UGT2A2: variants seen among roughly 807,000 people sequenced by gnomAD.
The protein encoded by UGT2A2 is UDP-glucuronosyltransferase 2A2.
Under a neutral mutation model 50.7 loss-of-function variants are expected in UGT2A2, and 60 were observed. That is an observed-to-expected ratio of 1.18 (90% CI 0.96 to 1.47). The LOEUF (loss-of-function observed/expected upper bound fraction) is 1.47, where lower values mean the gene tolerates loss of function less well. Ranked by LOEUF, UGT2A2 falls within the 40% of genes most tolerant of loss-of-function variation. UGT2A2 has a pLI of 0.00. For synonymous variants in UGT2A2, 242 were observed against 214.6 expected (o/e 1.13, Z -1.11); for missense variants, 762 against 634.0 (o/e 1.20, Z -2.17).
intron 1 of UGT2A2, among the ~76,000 whole-genome samples, chr4:69,638,117 C>A (rs906461182): frequency 1.3e-5 from 2 of 152,104 alleles, no homozygotes; most frequent in African/African-American, 4.8e-5. Context: ...AAGTCTTTCA[C>A]ATTACCTCTG....
At chr4:69,593,976 TG>T (rs66709581) in intron 5 of UGT2A2, among the ~76,000 whole-genome samples, 54,788 of 118,288 alleles carry the variant, frequency 0.46, 14,017 homozygotes, top group South Asian at 0.59. Context: ...TCTTTTTTTT[TG>T]TTTGTTTTTT....
At chr4:69,595,023 T>C in intron 4 of UGT2A2, 139 bp downstream of exon 4, 2 of 1,233,924 alleles carry the variant, frequency 1.6e-6, no homozygotes, top group South Asian at 1.4e-5. Flanking sequence ...TGGCCAATTA[T>C]GTAATTATAT....
intron 1 of UGT2A2, among the ~76,000 whole-genome samples, chr4:69,608,965 T>C (rs1438728480): frequency 2.0e-5 from 3 of 152,098 alleles, no homozygotes; most frequent in African/African-American, 4.8e-5. Flanking sequence ...TTTAATTTCA[T>C]AGTAGAAAAG....
chr4:69,603,315 C>T (rs1470992010), intron 1 of UGT2A2, among the ~76,000 whole-genome samples: 1 of 136,486 alleles, frequency 7.3e-6, no homozygotes, highest in Non-Finnish European at 1.6e-5. Flanking sequence ...AACAAAACCA[C>T]TTATGTAATG....
intron 1 of UGT2A2, among the ~76,000 whole-genome samples, chr4:69,600,595 A>G (rs899049520): frequency 1.3e-5 from 2 of 152,166 alleles, no homozygotes; most frequent in Non-Finnish European, 2.9e-5. Context: ...TCTTATTCCC[A>G]TAAAGAAATA....
Position 69,595,941 on chromosome 4 carries a change from T to A in UGT2A2, c.1023+309A>T, listed in dbSNP as rs548874863. Among the ~76,000 whole-genome samples, 3 of 152,264 alleles carry A rather than the reference T, an allele frequency of 2.0e-5. No homozygotes were observed. The South Asian group carries it at 6.2e-4, about 32-fold the overall frequency. ...CAAACTTCAAAACTTTTGAAAGTAGTCAGTGGAGAACAAAAAATTTCAAAT... is the reference window on the plus strand; with the variant it reads ...CAAACTTCAAAACTTTTGAAAGTAGACAGTGGAGAACAAAAAATTTCAAAT... On this transcript the variant is annotated intron_variant, in intron 3 of 5. Transcript: ENST00000604629.
At chr4:69,590,368 T>G (rs770181590) in intron 5 of UGT2A2, among the ~76,000 whole-genome samples, 1 of 152,188 alleles carries the variant, frequency 6.6e-6, no homozygotes, top group Non-Finnish European at 1.5e-5. Flanking sequence ...CAATATTGGG[T>G]GGATATCTAC....
At chr4:69,627,966 T>G (rs1191498332) in intron 1 of UGT2A2, among the ~76,000 whole-genome samples, 1 of 151,986 alleles carries the variant, frequency 6.6e-6, no homozygotes. Context: ...ATTCCACAGA[T>G]TGCCTTTTAA....
At chr4:69,621,019 A>T (rs1720723246) in intron 1 of UGT2A2, among the ~76,000 whole-genome samples, 1 of 151,932 alleles carries the variant, frequency 6.6e-6, no homozygotes, top group African/African-American at 2.4e-5. Flanking sequence ...GATTAAAAAC[A>T]TAAATGTAAA....
Position 69,594,597 on chromosome 4 carries a change from G to A in UGT2A2, c.1211C>T (p.Ala404Val). The A allele has an allele frequency of 1.2e-6, 2 of 1,614,144 alleles. No individual in the cohort carries two copies. Among genetic ancestry groups the A allele is most frequent in the Non-Finnish European group, 1.7e-6 (2 of 1,180,038 alleles). Reference protein sequence around the residue: ...GVPMVGVPMFADQPDNIAHMK... With the variant: ...GVPMVGVPMFVDQPDNIAHMK... ...GTGAGCAATGTTATCAGGCTGATCA[G>A]CAAACATGGGAACTCCCACCATAGG... Residue 404 changes from alanine (A) to valine (V), a missense_variant, in exon 5 of 6, where the codon GCT (alanine) becomes GTT (valine). Ala to Val is a moderately conservative substitution (Grantham distance 64, BLOSUM62 0). Transcript: ENST00000604629.
At chr4:69,591,944 TC>T (rs1718617082) in intron 5 of UGT2A2, among the ~76,000 whole-genome samples, 1 of 152,282 alleles carries the variant, frequency 6.6e-6, no homozygotes, top group Admixed American at 6.5e-5. Context: ...AATTATGATT[TC>T]TAAAATTATG....
At chr4:69,622,547 G>A (rs1473512671) in intron 1 of UGT2A2, among the ~76,000 whole-genome samples, 1 of 151,390 alleles carries the variant, frequency 6.6e-6, no homozygotes, top group Non-Finnish European at 1.5e-5. Context: ...ATAGACTCAG[G>A]GAATCTATAT....
intron 1 of UGT2A2, among the ~76,000 whole-genome samples, chr4:69,609,154 G>GTT (rs1319117212): frequency 1.1e-4 from 7 of 61,976 alleles, no homozygotes; most frequent in African/African-American, 2.7e-4. Context: ...GAATATATAA[G>GTT]ATTTTTTTTT....
intron 5 of UGT2A2, among the ~76,000 whole-genome samples, chr4:69,590,783 A>G (rs963561158): frequency 6.6e-6 from 1 of 152,168 alleles, no homozygotes; most frequent in Non-Finnish European, 1.5e-5. Flanking sequence ...AGAAGAAAGC[A>G]TGTTTTCCTA....
chr4:69,628,173 A>G (rs1191194537), intron 1 of UGT2A2, among the ~76,000 whole-genome samples: 1 of 151,926 alleles, frequency 6.6e-6, no homozygotes, highest in Non-Finnish European at 1.5e-5. Context: ...CAGGGCATCA[A>G]AATGTCCATG....
rs1465886704 is a variant in UGT2A2 at position 69,622,797 on chromosome 4, C to T, written c.742+16102G>A. On this transcript the variant is annotated intron_variant, in intron 1 of 5. Coordinates refer to ENST00000604629, the MANE Select transcript of UGT2A2 (RefSeq NM_001105677.2). ...TAGGGTCAACAGGAATATAGACGTT[C>T]AAGGTCCTCAAACACATTCATCCAG... Among the ~76,000 whole-genome samples, 5 of 151,710 alleles carry T rather than the reference C, an allele frequency of 3.3e-5. No homozygotes were observed. In the South Asian group the frequency reaches 6.2e-4, roughly 19 times the overall value.
At chr4:69,630,773 C>A (rs945625877) in intron 1 of UGT2A2, among the ~76,000 whole-genome samples, 1 of 152,004 alleles carries the variant, frequency 6.6e-6, no homozygotes, top group East Asian at 1.9e-4. Flanking sequence ...AAAGGTGAAA[C>A]CGTGAATGCA....
chr4:69,596,266 G>T lies in UGT2A2; in HGVS notation c.1007C>A (p.Ala336Asp). ...TGTACTGACCTTCTGTGGAATCTGGGCAAGGGCTGAGGCAATAAGATTGGC... is the reference window on the plus strand; with the variant it reads ...TGTACTGACCTTCTGTGGAATCTGGTCAAGGGCTGAGGCAATAAGATTGGC... ...EKANLIASAL[A>D]QIPQKVLWRY... The change falls in exon 3 of 6, where the codon GCC becomes GAC. Residue 336 changes from alanine (A) to aspartate (D), a missense_variant. By Grantham distance (126) the Ala-to-Asp change is moderately radical (BLOSUM62 -2). Coordinates refer to ENST00000604629, the MANE Select transcript of UGT2A2 (RefSeq NM_001105677.2). The T allele has an allele frequency of 6.3e-7, 1 of 1,591,050 alleles. No homozygotes were observed. The highest frequency in any genetic ancestry group is 8.6e-7 in the Non-Finnish European group (1 of 1,168,218).
At chr4:69,591,142 A>G (rs1283770303) in intron 5 of UGT2A2, among the ~76,000 whole-genome samples, 1 of 152,204 alleles carries the variant, frequency 6.6e-6, no homozygotes, top group Non-Finnish European at 1.5e-5. Flanking sequence ...CAATGAAATG[A>G]ATCAAAATCT....
Sources: allele counts gnomAD v4.1 joint callset (sites outside exome capture counted in the v4.1 genomes callset), GRCh38; gene constraint gnomAD v4.1.1; transcripts MANE v1.5; gene names NCBI Gene and HGNC (gene_info 2026-07-23, HGNC 2026-07-21).